WDR54: variants seen among roughly 807,000 people sequenced by gnomAD.
WDR54 encodes the protein WD repeat-containing protein 54.
Under a neutral mutation model 44.1 loss-of-function variants are expected in WDR54, and 44 were observed. The ratio of observed to expected loss-of-function variants is 1.00; its 90% CI spans 0.78 to 1.28. The LOEUF (loss-of-function observed/expected upper bound fraction) is 1.28. WDR54 is among the 50% of genes most tolerant of loss of function. WDR54 has a pLI of 0.00. For missense variants in WDR54, 409 were observed against 429.7 expected (o/e 0.95, Z 0.43); for synonymous variants, 169 against 169.8 (o/e 1.00, Z 0.04).
At chr2:74,421,879 G>A in intron 1 of WDR54, 63 bp downstream of exon 1, 1 of 625,188 alleles carries the variant, frequency 1.6e-6, no homozygotes, top group Non-Finnish European at 2.9e-6. Context: ...AGCCTTGGGG[G>A]CTTCATCACA....
chr2:74,423,814 G>A, intron 5 of WDR54, 41 bp from the exon 6 acceptor site: 1 of 1,604,244 alleles, frequency 6.2e-7, no homozygotes, highest in Non-Finnish European at 8.5e-7. Flanking sequence ...AGACCCAGGA[G>A]GGTCAGGAAG....
At position 74,422,912 on chromosome 2, in the gene WDR54, A is replaced by G; in HGVS notation, c.265A>G (p.Thr89Ala). 2 of 1,613,428 alleles carry G rather than the reference A, an allele frequency of 1.2e-6. No homozygotes were observed. Among genetic ancestry groups the G allele is most frequent in the Non-Finnish European group, 1.7e-6 (2 of 1,179,930 alleles). The change falls in exon 3 of 10, where the codon ACC (threonine) becomes GCC (alanine). Residue 89 changes from threonine to alanine, a missense_variant. Physicochemically the swap from Thr to Ala is moderately conservative, Grantham distance 58. Transcript: ENST00000348227. ...CCCCTTCCGAGTGCTGCTGGTACTC[A>G]CCTCACATCGAGGAATACAGGTAAG... ...VLPFRVLLVL[T>A]SHRGIQMYES... is the part of the protein sequence containing the mutation.
intron 3 of WDR54, 115 bp from the exon 4 acceptor site, chr2:74,423,204 C>T: frequency 7.9e-7 from 1 of 1,258,630 alleles, no homozygotes; most frequent in South Asian, 1.2e-5. Flanking sequence ...AAAAATAGTA[C>T]CTACATCCCA....
Position 74,422,233 on chromosome 2 carries a change from C to A in WDR54, c.80C>A (p.Pro27Gln), listed in dbSNP as rs138696895. 1.1e-4 allele frequency: 183 copies of A among 1,614,160 alleles called. 2 individuals are homozygous for A. In the Admixed American group the frequency reaches 2.9e-3, roughly 26 times the overall value. Residue 27 changes from proline to glutamine, a missense_variant, in exon 2 of 10, where the codon CCG (proline) becomes CAG (glutamine). By Grantham distance (76) the Pro-to-Gln change is moderately conservative. Transcript: ENST00000348227. ...AACAACCTCAGTGTGCTGCAGCTGCCGGCTCGCAACCTCACGTATTTTGGC... is the reference window on the plus strand; with the variant it reads ...AACAACCTCAGTGTGCTGCAGCTGCAGGCTCGCAACCTCACGTATTTTGGC... Reference protein sequence around the residue: ...LCNNLSVLQLPARNLTYFGVV... With the variant: ...LCNNLSVLQLQARNLTYFGVV...
chr2:74,423,821 G>C, intron 5 of WDR54, 34 bp from the exon 6 acceptor site: 1 of 1,609,438 alleles, frequency 6.2e-7, no homozygotes, highest in Admixed American at 1.7e-5. Context: ...GGAGGGTCAG[G>C]AAGTCATCAC....
In WDR54 at chr2:74,421,747, C is replaced by T; in HGVS notation, c.-71C>T. The stretch of plus-strand genomic sequence containing the variant: ...CAAGGGCCGTGCGTACGTGCGTCGT[C>T]TCTATGGTGGCGGCGGATTTGGAGG... On this transcript the variant is annotated 5_prime_UTR_variant, in exon 1 of 10. Transcript: ENST00000348227. 1.6e-6 allele frequency: 1 copy of T among 627,142 alleles called. No individual in the cohort carries two copies. Among genetic ancestry groups the T allele is most frequent in the Non-Finnish European group, 2.9e-6 (1 of 342,478 alleles). 38.8% of individuals were successfully genotyped at this position (627,142 alleles called of 1,614,324 possible).
chr2:74,425,544 C>T, intron 9 of WDR54, 26 bp from the exon 10 acceptor site: 1 of 1,614,146 alleles, frequency 6.2e-7, no homozygotes, highest in South Asian at 1.1e-5. Context: ...GGGCAGCAGG[C>T]CCTGACGAGC....
chr2:74,424,075 G>A, intron 6 of WDR54, 93 bp downstream of exon 6: 3 of 1,512,146 alleles, frequency 2.0e-6, no homozygotes, highest in Non-Finnish European at 2.7e-6. Context: ...CTAAACAGGT[G>A]GATGGCTTTG....
Position 74,425,251 on chromosome 2 carries a change from T to A in WDR54, c.798+14T>A, listed in dbSNP as rs1268127490. On this transcript the variant is annotated intron_variant, in intron 8 of 9. Coordinates refer to ENST00000348227, the MANE Select transcript of WDR54 (RefSeq NM_032118.4). ...GAGGTGGGCAAGGTAAGTCTCCTCC[T>A]CTGTACCTACATACCCTTTTTCCTG... 6.5e-7 allele frequency: 1 copy of A among 1,534,998 alleles called. No homozygotes were observed. The highest frequency in any genetic ancestry group is 8.8e-7 in the Non-Finnish European group (1 of 1,140,498).
At position 74,422,681 on chromosome 2, in the gene WDR54, T is replaced by C. The variant is rs1670170417; in HGVS notation, c.223-189T>C. 17 of 630,126 alleles carry C rather than the reference T, an allele frequency of 2.7e-5. No individual in the cohort carries two copies. The South Asian group carries it at 3.4e-4, about 12-fold the overall frequency. The allele number at this position is 630,126 out of a possible 1,614,324, so 39.0% of individuals were successfully genotyped here. ...GGTGGCGTGCACCTGTAATCCCAGC[T>C]ACTTGGGTGGCTGAGGCAGGAGAAT... is the stretch of plus-strand genomic sequence containing the variant. On this transcript the variant is annotated intron_variant, in intron 2 of 9. Coordinates refer to ENST00000348227, the MANE Select transcript of WDR54 (RefSeq NM_032118.4).
Position 74,425,415 on chromosome 2 carries a change from A to C in WDR54, c.799-2A>C. The C allele has an allele frequency of 6.2e-7, 1 of 1,614,138 alleles. No individual in the cohort carries two copies. Among genetic ancestry groups the C allele is most frequent in the Non-Finnish European group, 8.5e-7 (1 of 1,180,002 alleles). ...CTGACTCCCCCTCTTCCTCCTCCACAGCTACTCTCTGCAGGTGAGGACACC... is the reference window on the plus strand; with the variant it reads ...CTGACTCCCCCTCTTCCTCCTCCACCGCTACTCTCTGCAGGTGAGGACACC... On this transcript the variant is annotated splice_acceptor_variant, in intron 8 of 9. Coordinates refer to ENST00000348227, the MANE Select transcript of WDR54 (RefSeq NM_032118.4). LOFTEE classifies it high-confidence loss of function.
In WDR54 at chr2:74,422,210, CAACCTCAG is replaced by C; in HGVS notation, c.58_65del (p.Asn20CysfsTer28). On this transcript the variant is annotated frameshift_variant, in exon 2 of 10. Coordinates refer to ENST00000348227, the MANE Select transcript of WDR54 (RefSeq NM_032118.4). LOFTEE classifies it high-confidence loss of function. ...GAGGCTCGGCCGCCGCCCTGTGCAACAACCTCAGTGTGCTGCAGCTGCCGGCTCGCAAC... is the reference window on the plus strand; with the variant it reads ...GAGGCTCGGCCGCCGCCCTGTGCAACTGTGCTGCAGCTGCCGGCTCGCAAC... 1 of 1,614,152 alleles carries C rather than the reference CAACCTCAG, an allele frequency of 6.2e-7. No homozygotes were observed. Among genetic ancestry groups the C allele is most frequent in the Non-Finnish European group, 8.5e-7 (1 of 1,180,042 alleles).
rs941374086 is a variant in WDR54, at chr2:74,423,426, G to A, written c.352+41G>A. 1.9e-6 allele frequency: 3 copies of A among 1,614,020 alleles called. No individual in the cohort carries two copies. In the Admixed American group the frequency reaches 5.0e-5, roughly 27 times the overall value. ...AGTGGGGTGGGGGCAGGGAGTGTTT[G>A]CTAGGGCTGCAGGAGGGGATATTTC... On this transcript the variant is annotated intron_variant, in intron 4 of 9. Transcript: ENST00000348227.
intron 8 of WDR54, 77 bp from the exon 9 acceptor site, chr2:74,425,340 G>C (rs1670327472): frequency 6.3e-7 from 1 of 1,593,016 alleles, no homozygotes; most frequent in Non-Finnish European, 8.6e-7. Flanking sequence ...CCCCTCCCCT[G>C]GGGCACCTGG....
At chr2:74,424,667 GA>G (rs1441411792) in intron 6 of WDR54, among the ~76,000 whole-genome samples, 1 of 152,180 alleles carries the variant, frequency 6.6e-6, no homozygotes, top group African/African-American at 2.4e-5. Context: ...GGGACTCCAT[GA>G]AGAAATTCAA....
intron 3 of WDR54, 38 bp from the exon 4 acceptor site, chr2:74,423,281 T>C (rs549225998): frequency 1.2e-6 from 2 of 1,608,054 alleles, no homozygotes; most frequent in African/African-American, 1.3e-5. Flanking sequence ...CAGAGGTCAG[T>C]TGGGTTATGC....
chr2:74,421,910 G>T (rs1676636775), intron 1 of WDR54, 94 bp downstream of exon 1: 1 of 616,158 alleles, frequency 1.6e-6, no homozygotes, highest in African/African-American at 1.8e-5. Flanking sequence ...TCGCGGGCTT[G>T]GGGCCATCGG....
In WDR54 at chr2:74,423,985, G is replaced by A. The variant is rs755405721; in HGVS notation, c.534+3G>A. On this transcript the variant is annotated splice_donor_region_variant and intron_variant, in intron 6 of 9. Transcript: ENST00000348227. ...CCACCGAGCCTGCCCAGGGACAGGT[G>A]AGTGGACTTCCCCTACCCATCTGGG... is the stretch of plus-strand genomic sequence containing the variant. The A allele has an allele frequency of 1.9e-6, 3 of 1,614,058 alleles. No individual in the cohort carries two copies. Among genetic ancestry groups the A allele is most frequent in the East Asian group, 4.5e-5 (2 of 44,870 alleles).
intron 1 of WDR54, 76 bp downstream of exon 1, chr2:74,421,892 T>C: frequency 1.6e-6 from 1 of 619,134 alleles, no homozygotes; most frequent in Non-Finnish European, 3.0e-6. Flanking sequence ...TCATCACACT[T>C]ATTTGGCTCG....
Sources: allele counts gnomAD v4.1 joint callset (sites outside exome capture counted in the v4.1 genomes callset), GRCh38; gene constraint gnomAD v4.1.1; transcripts MANE v1.5; gene names NCBI Gene and HGNC (gene_info 2026-07-23, HGNC 2026-07-21).